ATP10A: variants seen among roughly 807,000 people sequenced by gnomAD.
ATP10A encodes the protein ATPase phospholipid transporting 10A (putative).
Under a neutral mutation model 147.8 loss-of-function variants are expected in ATP10A, and 111 were observed. That is an observed-to-expected ratio of 0.75 (90% CI 0.64 to 0.88). The LOEUF is 0.88. Among genes scored for constraint, ATP10A ranks in the 40% least tolerant of loss-of-function variants. The pLI, the probability that ATP10A is intolerant of heterozygous loss-of-function variation, is 0.00. For synonymous variants in ATP10A, 875 were observed against 841.6 expected (o/e 1.04, Z -0.69); for missense variants, 1,927 against 1,959.0 (o/e 0.98, Z 0.31).
At chr15:25,810,012 A>AC (rs1392581459) in intron 1 of ATP10A, among the ~76,000 whole-genome samples, 1 of 101,620 alleles carries the variant, frequency 9.8e-6, no homozygotes, top group African/African-American at 3.0e-5. Flanking sequence ...GAAGGTCATT[A>AC]CAAAAAAAAA....
chr15:25,696,567 GGGAGTAGCAGCCGAT>G (rs1900351119), intron 13 of ATP10A, among the ~76,000 whole-genome samples: 2 of 152,230 alleles, frequency 1.3e-5, no homozygotes, highest in African/African-American at 4.8e-5. Flanking sequence ...AGCTCTGAGA[GGGAGTAGCAGCCGAT>G]GGACCGGGAG....
chr15:25,827,674 A>G (rs2140860911), intron 1 of ATP10A, among the ~76,000 whole-genome samples: 1 of 152,378 alleles, frequency 6.6e-6, no homozygotes, highest in South Asian at 2.1e-4. Context: ...AAGGAGATAA[A>G]AATGGCACAC....
intron 1 of ATP10A, among the ~76,000 whole-genome samples, chr15:25,837,150 A>T (rs1305997230): frequency 1.3e-5 from 2 of 152,170 alleles, no homozygotes; most frequent in African/African-American, 4.8e-5. Flanking sequence ...TACAAGAGTA[A>T]CTACCATATT....
chr15:25,793,288 G>A (rs1356240456), intron 1 of ATP10A, among the ~76,000 whole-genome samples: 2 of 152,156 alleles, frequency 1.3e-5, no homozygotes, highest in Non-Finnish European at 2.9e-5. Context: ...TTGGGAGAAT[G>A]AGCACTGCAA....
chr15:25,712,474 G>A (rs1307040822), intron 10 of ATP10A, among the ~76,000 whole-genome samples: 1 of 152,200 alleles, frequency 6.6e-6, no homozygotes, highest in African/African-American at 2.4e-5. Flanking sequence ...CCGTCATGCT[G>A]TGAAATCTGA....
chr15:25,752,143 C>T (rs1020104944), intron 2 of ATP10A, among the ~76,000 whole-genome samples: 32 of 152,070 alleles, frequency 2.1e-4, no homozygotes, highest in Admixed American at 6.5e-4. Flanking sequence ...CCATATGAAC[C>T]AACATCTCAC....
At chr15:25,715,737 A>T (rs1901758151) in intron 9 of ATP10A, among the ~76,000 whole-genome samples, 1 of 152,196 alleles carries the variant, frequency 6.6e-6, no homozygotes, top group Admixed American at 6.5e-5. Flanking sequence ...ACTGCCAGAC[A>T]TGCTGCTGCA....
upstream of ATP10A, chr15:25,863,732 T>G (rs1431276428): frequency 2.6e-5 from 4 of 152,212 alleles, no homozygotes; most frequent in Admixed American, 2.6e-4. Flanking sequence ...TGGCATCCAG[T>G]GCTCCAATTT....
At chr15:25,843,244 C>T (rs1210254438) in intron 1 of ATP10A, among the ~76,000 whole-genome samples, 1 of 148,848 alleles carries the variant, frequency 6.7e-6, no homozygotes, top group Non-Finnish European at 1.5e-5. Flanking sequence ...CCCCCACCGT[C>T]CCGGGGTGTG....
intron 12 of ATP10A, 76 bp from the exon 13 acceptor site, chr15:25,702,176 G>T: frequency 6.9e-7 from 1 of 1,441,062 alleles, no homozygotes; most frequent in Non-Finnish European, 9.5e-7. Flanking sequence ...CAAATGTCAT[G>T]CACCAGATAC....
At chr15:25,839,339 G>A (rs1892714223) in intron 1 of ATP10A, among the ~76,000 whole-genome samples, 2 of 152,184 alleles carry the variant, frequency 1.3e-5, no homozygotes, top group Non-Finnish European at 2.9e-5. Context: ...ATCTTCCAGA[G>A]CATTTTATGT....
intron 1 of ATP10A, among the ~76,000 whole-genome samples, chr15:25,804,300 T>A (rs1193497788): frequency 6.7e-6 from 1 of 148,796 alleles, no homozygotes; most frequent in East Asian, 2.0e-4. Context: ...TGTGTGAGTG[T>A]TCGTGTGTGT....
chr15:25,693,432 T>C (rs1021891898), intron 14 of ATP10A, among the ~76,000 whole-genome samples: 3 of 152,232 alleles, frequency 2.0e-5, no homozygotes, highest in Non-Finnish European at 4.4e-5. Flanking sequence ...TCTTCAGGAA[T>C]ACCAGACACC....
Position 25,691,751 on chromosome 15 carries a change from A to G in ATP10A, c.3129T>C (p.Asp1043=). Residue 1043 remains aspartate, a synonymous_variant, in exon 15 of 21, where the codon GAT becomes GAC. Transcript: ENST00000555815. ...CCTGGCCGGAGATTCCCACACCCAC[A>G]TCTGCCACCTGGATCATGCTGACAT... ...ANDVSMIQVA[D]VGVGISGQEG... 4.3e-6 allele frequency: 7 copies of G among 1,614,218 alleles called. 1 individual carries two copies. The highest frequency in any genetic ancestry group is 1.7e-4 in the Middle Eastern group (1 of 6,060).
intron 2 of ATP10A, among the ~76,000 whole-genome samples, chr15:25,742,304 T>C (rs1035047472): frequency 3.9e-5 from 6 of 152,214 alleles, no homozygotes; most frequent in Admixed American, 2.0e-4. Flanking sequence ...GGCTCACGCC[T>C]CAGAGAAACT....
At chr15:25,809,296 T>A (rs1274503713) in intron 1 of ATP10A, among the ~76,000 whole-genome samples, 2 of 151,940 alleles carry the variant, frequency 1.3e-5, no homozygotes, top group East Asian at 1.9e-4. Flanking sequence ...TCGGGCGGGG[T>A]GAGACATGAC....
chr15:25,730,018 C>A (rs563922360), intron 3 of ATP10A, among the ~76,000 whole-genome samples: 3 of 151,450 alleles, frequency 2.0e-5, no homozygotes, highest in South Asian at 2.1e-4. Flanking sequence ...AGGCTGGGCG[C>A]GGTGGCTCAC....
At chr15:25,722,996 A>G (rs1424340213) in intron 6 of ATP10A, among the ~76,000 whole-genome samples, 2 of 152,218 alleles carry the variant, frequency 1.3e-5, no homozygotes, top group Non-Finnish European at 2.9e-5. Context: ...CCTGGAGGAG[A>G]AAAAGCACAT....
At chr15:25,701,109 T>C (rs1358246495) in intron 13 of ATP10A, among the ~76,000 whole-genome samples, 2 of 152,046 alleles carry the variant, frequency 1.3e-5, no homozygotes, top group Non-Finnish European at 2.9e-5. Context: ...GTCTGTACAA[T>C]GTGGACAACG....
Sources: gnomAD v4.1 joint callset for allele counts (sites outside exome capture counted in the v4.1 genomes callset) on GRCh38, gnomAD v4.1.1 for gene constraint, MANE v1.5 for transcripts, NCBI Gene and HGNC (gene_info 2026-07-23, HGNC 2026-07-21) for gene names.